MEF2A: variants seen among roughly 807,000 people sequenced by gnomAD.
MEF2A encodes the protein myocyte-specific enhancer factor 2A.
Under a neutral mutation model 55.8 loss-of-function variants are expected in MEF2A, and 28 were observed. The observed-to-expected ratio is 0.50, with a 90% CI of 0.37 to 0.69. The LOEUF is 0.69. Among genes scored for constraint, MEF2A ranks in the 30% least tolerant of loss-of-function variants. The pLI is 0.00. For missense variants in MEF2A, 528 were observed against 626.2 expected (o/e 0.84, Z 1.67); for synonymous variants, 239 against 227.1 (o/e 1.05, Z -0.47).
chr15:99,608,071 T>C (rs913623139), intron 2 of MEF2A, among the ~76,000 whole-genome samples: 1 of 152,214 alleles, frequency 6.6e-6, no homozygotes, highest in African/African-American at 2.4e-5. Flanking sequence ...GTCATCCAGA[T>C]AAAAATTTTG....
intron 7 of MEF2A, among the ~76,000 whole-genome samples, chr15:99,687,556 C>T (rs751977833): frequency 6.6e-6 from 1 of 152,182 alleles, no homozygotes; most frequent in Non-Finnish European, 1.5e-5. Context: ...CTTGTTCATT[C>T]GTGCTTTAAC....
intron 2 of MEF2A, among the ~76,000 whole-genome samples, chr15:99,622,706 T>TTTTTTTTC (rs200040223): frequency 7.0e-6 from 1 of 141,980 alleles, no homozygotes; most frequent in Non-Finnish European, 1.5e-5. Context: ...TCTTTTCTTT[T>TTTTTTTTC]TTTTTTTCTT....
intron 3 of MEF2A, among the ~76,000 whole-genome samples, chr15:99,641,992 G>T (rs2045079386): frequency 6.6e-6 from 1 of 152,080 alleles, no homozygotes; most frequent in Non-Finnish European, 1.5e-5. Flanking sequence ...GTTTGTTTTT[G>T]TTTTTTCAGC....
chr15:99,675,496 A>G (rs527448232), intron 7 of MEF2A, 38 bp downstream of exon 7: 8 of 1,528,220 alleles, frequency 5.2e-6, no homozygotes, highest in African/African-American at 1.4e-5. Flanking sequence ...GTAGGTATCT[A>G]TCCTATATGA....
intron 4 of MEF2A, 139 bp downstream of exon 4, chr15:99,645,903 A>G: frequency 3.3e-6 from 2 of 605,682 alleles, no homozygotes; most frequent in Non-Finnish European, 5.6e-6. Context: ...ATTTCTTAGA[A>G]GAGTGATTGC....
At position 99,589,553 on chromosome 15, in the gene MEF2A, C is replaced by T. The variant is rs543035327; in HGVS notation, c.-224-8877C>T. Among the ~76,000 whole-genome samples the T allele has an allele frequency of 3.3e-5, 5 of 152,050 alleles. No individual in the cohort carries two copies. The East Asian group carries it at 5.8e-4, about 18-fold the overall frequency. Reference sequence around the variant, plus strand: ...ACCTCTACTTTTAGTTTAATATGCTCCTTTTTTCTAGTGTCTTAGGGTGGA... The same window carrying T: ...ACCTCTACTTTTAGTTTAATATGCTTCTTTTTTCTAGTGTCTTAGGGTGGA... On this transcript the variant is annotated intron_variant, in intron 1 of 11. Transcript: ENST00000557942.
At chr15:99,635,696 C>G (rs1053683374) in intron 3 of MEF2A, among the ~76,000 whole-genome samples, 23 of 152,132 alleles carry the variant, frequency 1.5e-4, no homozygotes, top group African/African-American at 5.6e-4. Flanking sequence ...TGTCTTCTTT[C>G]GCACAATATT....
chr15:99,708,664 A>G (rs2058296202), intron 10 of MEF2A, among the ~76,000 whole-genome samples: 1 of 152,210 alleles, frequency 6.6e-6, no homozygotes, highest in African/African-American at 2.4e-5. Context: ...TGTGGCAGGC[A>G]CTGTGCCAGG....
intron 2 of MEF2A, among the ~76,000 whole-genome samples, chr15:99,601,714 T>C (rs1973056697): frequency 6.6e-6 from 1 of 152,138 alleles, no homozygotes; most frequent in African/African-American, 2.4e-5. Context: ...GTTATACTTT[T>C]TGTGTATTGC....
intron 2 of MEF2A, among the ~76,000 whole-genome samples, chr15:99,624,702 C>T (rs2041788903): frequency 1.3e-5 from 2 of 152,116 alleles, no homozygotes; most frequent in Admixed American, 1.3e-4. Context: ...TCTATTTCTG[C>T]AAAAATACCA....
At chr15:99,597,824 G>GTT in intron 1 of MEF2A, among the ~76,000 whole-genome samples, 1 of 152,210 alleles carries the variant, frequency 6.6e-6, no homozygotes, top group African/African-American at 2.4e-5. Flanking sequence ...CAGATTCCCC[G>GTT]ATAACTAGTG....
chr15:99,672,021 T>G (rs1226335881), intron 5 of MEF2A, among the ~76,000 whole-genome samples: 1 of 152,196 alleles, frequency 6.6e-6, no homozygotes, highest in Non-Finnish European at 1.5e-5. Context: ...AGAGTATGTA[T>G]AAAACTTTCC....
At chr15:99,694,483 T>G (rs2056094521) in intron 8 of MEF2A, among the ~76,000 whole-genome samples, 1 of 152,224 alleles carries the variant, frequency 6.6e-6, no homozygotes, top group Admixed American at 6.5e-5. Context: ...GAGTACTACA[T>G]GCGAGTGTCA....
chr15:99,713,998 A>G lies in MEF2A; in HGVS notation c.*1227A>G, dbSNP rs1232465610. Reference sequence around the variant, plus strand: ...ATTAAGTATTCACTGTTTAATATTTACTATTTTGTTAAATATACTGTACTT... The same window carrying G: ...ATTAAGTATTCACTGTTTAATATTTGCTATTTTGTTAAATATACTGTACTT... On this transcript the variant is annotated 3_prime_UTR_variant, in exon 12 of 12. Coordinates refer to ENST00000557942, the MANE Select transcript of MEF2A (RefSeq NM_001319206.4). 6.6e-6 allele frequency: 1 copy of G among 152,198 alleles called. No individual in the cohort carries two copies. Among genetic ancestry groups the G allele is most frequent in the Non-Finnish European group, 1.5e-5 (1 of 68,014 alleles). The allele number at this position is 152,198 out of a possible 1,614,324, so 9.4% of individuals were successfully genotyped here.
chr15:99,574,187 T>C (rs1381477381), intron 1 of MEF2A, among the ~76,000 whole-genome samples: 1 of 152,202 alleles, frequency 6.6e-6, no homozygotes, highest in African/African-American at 2.4e-5. Flanking sequence ...CTTGCTCTCT[T>C]TTTATATTTG....
intron 4 of MEF2A, among the ~76,000 whole-genome samples, chr15:99,646,411 A>T (rs147624540): frequency 5.3e-5 from 8 of 152,246 alleles, no homozygotes; most frequent in African/African-American, 1.9e-4. Context: ...GATCTTCCAT[A>T]AGATAACTTT....
intron 8 of MEF2A, among the ~76,000 whole-genome samples, chr15:99,698,568 A>G (rs1445606924): frequency 6.6e-6 from 1 of 152,102 alleles, no homozygotes; most frequent in Admixed American, 6.5e-5. Context: ...TGAGGCAGGC[A>G]GATAACCTGA....
chr15:99,624,725 A>T (rs1199239467), intron 2 of MEF2A, among the ~76,000 whole-genome samples: 1 of 152,228 alleles, frequency 6.6e-6, no homozygotes, highest in African/African-American at 2.4e-5. Flanking sequence ...GGGATTTAGT[A>T]GAGATTGCAT....
At chr15:99,642,734 C>T (rs1245968824) in intron 3 of MEF2A, among the ~76,000 whole-genome samples, 1 of 152,192 alleles carries the variant, frequency 6.6e-6, no homozygotes, top group Non-Finnish European at 1.5e-5. Context: ...TCATGGGCTT[C>T]TGATACTTGT....
Sources: gnomAD v4.1 joint callset for allele counts (sites outside exome capture counted in the v4.1 genomes callset) on GRCh38, gnomAD v4.1.1 for gene constraint, MANE v1.5 for transcripts, NCBI Gene and HGNC (gene_info 2026-07-23, HGNC 2026-07-21) for gene names.